The following RYR2 variants were observed in gnomAD, a reference collection of about 807,000 sequenced individuals.
RYR2 encodes cardiac muscle ryanodine receptor-calcium release channel.
Under a neutral mutation model 601.1 loss-of-function variants are expected in RYR2, and 227 were observed. The observed-to-expected ratio is 0.38, with a 90% CI of 0.34 to 0.42. RYR2 has a LOEUF of 0.42. Among genes scored for constraint, RYR2 ranks in the 10% least tolerant of loss-of-function variants. RYR2 has a pLI of 1.00. For missense variants in RYR2, 4,646 were observed against 6,156.5 expected (o/e 0.75, Z 8.21); for synonymous variants, 2,223 against 2,175.1 (o/e 1.02, Z -0.61).
At chr1:237,095,041 C>T (rs1332604874) in intron 1 of RYR2, among the ~76,000 whole-genome samples, 1 of 152,194 alleles carries the variant, frequency 6.6e-6, no homozygotes, top group Non-Finnish European at 1.5e-5. Context: ...ATAGATGTGA[C>T]TTCTGAGGCT....
In RYR2 at chr1:237,589,865, T is replaced by C. The variant is rs760337999; in HGVS notation, c.3671T>C (p.Leu1224Ser). Residue 1224 changes from leucine (L) to serine (S), a missense_variant, in exon 30 of 105, where the codon TTG (leucine) becomes TCG (serine). Physicochemically the swap from Leu to Ser is moderately radical, Grantham distance 145. Coordinates refer to ENST00000366574, the MANE Select transcript of RYR2 (RefSeq NM_001035.3). ...AACTTTGGAAAGGATGTCAGCACCT[T>C]GAAATATTTCACCATCTGTGGCTTA... ...RMNFGKDVST[L>S]KYFTICGLQE... The C allele has an allele frequency of 3.1e-6, 5 of 1,613,808 alleles. No homozygotes were observed. Among genetic ancestry groups the C allele is most frequent in the Non-Finnish European group, 4.2e-6 (5 of 1,179,882 alleles).
chr1:237,445,004 C>T (rs1417090635), intron 13 of RYR2, among the ~76,000 whole-genome samples: 1 of 152,028 alleles, frequency 6.6e-6, no homozygotes, highest in Non-Finnish European at 1.5e-5. Flanking sequence ...TGTGAAAAGG[C>T]TCTGCTGTTT....
chr1:237,307,955 G>A (rs1165326933), intron 2 of RYR2, among the ~76,000 whole-genome samples: 1 of 151,112 alleles, frequency 6.6e-6, no homozygotes, highest in Non-Finnish European at 1.5e-5. Flanking sequence ...GCCGGGACTT[G>A]CTGAGACTCC....
chr1:237,565,929 T>C (rs1295318871), intron 27 of RYR2, among the ~76,000 whole-genome samples: 1 of 152,072 alleles, frequency 6.6e-6, no homozygotes, highest in Non-Finnish European at 1.5e-5. Flanking sequence ...ATGCTGACCT[T>C]TTTATTTTTC....
intron 73 of RYR2, among the ~76,000 whole-genome samples, chr1:237,720,665 A>C (rs891534045): frequency 2.0e-5 from 3 of 152,250 alleles, no homozygotes; most frequent in Admixed American, 6.5e-5. Context: ...GTACCCCATG[A>C]AAGGGTGCAG....
chr1:237,425,353 C>T (rs999201753), intron 12 of RYR2, among the ~76,000 whole-genome samples: 2 of 152,148 alleles, frequency 1.3e-5, no homozygotes, highest in African/African-American at 4.8e-5. Flanking sequence ...CATTTTGACT[C>T]TCCAAAAACT....
At chr1:237,067,600 T>C (rs1353613768) in intron 1 of RYR2, among the ~76,000 whole-genome samples, 1 of 152,252 alleles carries the variant, frequency 6.6e-6, no homozygotes, top group African/African-American at 2.4e-5. Context: ...TGTTTTACCA[T>C]TTCCTTTGTC....
intron 33 of RYR2, among the ~76,000 whole-genome samples, chr1:237,594,886 G>GTTTTTTTTGTTT (rs1675642723): frequency 1.7e-3 from 101 of 60,324 alleles, no homozygotes; most frequent in African/African-American, 5.7e-3. Context: ...ATATCACTGG[G>GTTTTTTTTGTTT]TTTTTTTTTT....
chr1:237,371,405 C>A (rs923563049), intron 6 of RYR2, among the ~76,000 whole-genome samples: 2 of 152,104 alleles, frequency 1.3e-5, no homozygotes, highest in Non-Finnish European at 2.9e-5. Flanking sequence ...GATCCTCTCG[C>A]CTTGGCCTCC....
chr1:237,316,717 T>A (rs2149511290), intron 2 of RYR2, among the ~76,000 whole-genome samples: 1 of 152,330 alleles, frequency 6.6e-6, no homozygotes, highest in South Asian at 2.1e-4. Flanking sequence ...ATACTCTACA[T>A]CACATTTCAT....
intron 58 of RYR2, among the ~76,000 whole-genome samples, chr1:237,672,084 G>T (rs1264080715): frequency 6.6e-6 from 1 of 152,102 alleles, no homozygotes; most frequent in Non-Finnish European, 1.5e-5. Flanking sequence ...GAAAGTTGAG[G>T]GTGGAGGAGC....
chr1:237,308,841 C>A (rs1308878082), intron 2 of RYR2, among the ~76,000 whole-genome samples: 1 of 152,214 alleles, frequency 6.6e-6, no homozygotes, highest in African/African-American at 2.4e-5. Flanking sequence ...TTATCTGGCC[C>A]CACCCACATC....
intron 16 of RYR2, among the ~76,000 whole-genome samples, chr1:237,464,117 C>T (rs963992030): frequency 5.9e-5 from 9 of 152,126 alleles, no homozygotes; most frequent in African/African-American, 2.2e-4. Context: ...TACATATCTG[C>T]ACATCTTTGC....
intron 58 of RYR2, among the ~76,000 whole-genome samples, chr1:237,672,894 C>G (rs4659803): frequency 0.98 from 149,011 of 152,294 alleles, 72,980 homozygotes; most frequent in East Asian, 1. Flanking sequence ...CCAGCACCTT[C>G]CATGTATGAT....
Position 237,335,852 on chromosome 1 carries a change from A to G in RYR2, c.273+4870A>G, listed in dbSNP as rs561603325. ...TCGTGGGTATTGGTAGTTTACCGCT[A>G]TGTAAGTTATGGATGATACTTTAAA... On this transcript the variant is annotated intron_variant, in intron 3 of 104. Coordinates refer to ENST00000366574, the MANE Select transcript of RYR2 (RefSeq NM_001035.3). 5.3e-5 allele frequency among the ~76,000 whole-genome samples: 8 copies of G among 152,332 alleles called. No homozygotes were observed. In the South Asian group the frequency reaches 1.5e-3, roughly 28 times the overall value.
chr1:237,391,930 G>A (rs988889879), intron 10 of RYR2, among the ~76,000 whole-genome samples: 10 of 152,058 alleles, frequency 6.6e-5, no homozygotes, highest in Non-Finnish European at 1.3e-4. Flanking sequence ...GAATCCTGAC[G>A]TGTTCATGAA....
At chr1:237,696,545 T>C (rs546255383) in intron 63 of RYR2, among the ~76,000 whole-genome samples, 1 of 151,722 alleles carries the variant, frequency 6.6e-6, no homozygotes, top group East Asian at 1.9e-4. Flanking sequence ...GCAGACTTTT[T>C]TTTTTTTTTC....
At chr1:237,388,937 ATTAT>A (rs1702155598) in intron 10 of RYR2, among the ~76,000 whole-genome samples, 1 of 152,076 alleles carries the variant, frequency 6.6e-6, no homozygotes, top group African/African-American at 2.4e-5. Flanking sequence ...TTAGTTAATA[ATTAT>A]TTATTTTTAT....
In RYR2 at chr1:237,660,884, A is replaced by AT; in HGVS notation, c.8373_8374insT (p.Thr2792TyrfsTer36). On this transcript the variant is annotated frameshift_variant, in exon 56 of 105. Coordinates refer to ENST00000366574, the MANE Select transcript of RYR2 (RefSeq NM_001035.3). LOFTEE classifies it high-confidence loss of function. ...TGGCTTGGGGCTGGAGAATTGAAAG[A>AT]ACTCGGGAGGGAGACAGCATGGCCC... The AT allele has an allele frequency of 6.5e-7, 1 of 1,540,106 alleles. No homozygotes were observed. The highest frequency in any genetic ancestry group is 8.8e-7 in the Non-Finnish European group (1 of 1,140,180).
Sources: gnomAD v4.1 joint callset for allele counts (sites outside exome capture counted in the v4.1 genomes callset) on GRCh38, gnomAD v4.1.1 for gene constraint, MANE v1.5 for transcripts, NCBI Gene and HGNC (gene_info 2026-07-23, HGNC 2026-07-21) for gene names.